Variants in EFCAB8 observed in about 807,000 individuals in gnomAD.
EFCAB8 encodes EF-hand calcium binding domain 8.
In EFCAB8, 100 loss-of-function variants were observed where a neutral mutation model predicts 116.3. The observed-to-expected ratio is 0.86, with a 90% CI of 0.73 to 1.02. The LOEUF is 1.02. EFCAB8 is among the 50% of genes least tolerant of loss of function. The pLI, the probability that EFCAB8 is intolerant of heterozygous loss-of-function variation, is 0.00. For synonymous variants in EFCAB8, 558 were observed against 567.9 expected (o/e 0.98, Z 0.25); for missense variants, 1,320 against 1,416.9 (o/e 0.93, Z 1.10).
chr20:32,906,948 T>C lies in EFCAB8; in HGVS notation c.1262T>C (p.Val421Ala). The C allele has an allele frequency of 6.5e-7, 1 of 1,544,596 alleles. No individual in the cohort carries two copies. Among genetic ancestry groups the C allele is most frequent in the Admixed American group, 2.0e-5 (1 of 50,316 alleles). ...GHQTSVTHIL[V>A]DSRNNSILIS... ...CAGACCTCAGTGACGCACATCCTTG[T>C]GGATAGCAGGAACAACAGCATCCTC... is the stretch of plus-strand genomic sequence containing the variant. Residue 421 changes from valine to alanine, a missense_variant, in exon 13 of 27, where the codon GTG becomes GCG. Val to Ala is a moderately conservative substitution (Grantham distance 64, BLOSUM62 0). Transcript: ENST00000400522.
chr20:32,901,929 G>A lies in EFCAB8; in HGVS notation c.1088+3306G>A, dbSNP rs28450024. On this transcript the variant is annotated intron_variant, in intron 11 of 26. Transcript: ENST00000400522. ...TCTTCATCTCTTGACCTCATGATTCGCCCGCCTCGGCCTCCCAAAGTGCTG... is the reference window on the plus strand; with the variant it reads ...TCTTCATCTCTTGACCTCATGATTCACCCGCCTCGGCCTCCCAAAGTGCTG... Among the ~76,000 whole-genome samples the A allele has an allele frequency of 7.6e-3, 1,160 of 152,188 alleles. 16 individuals are homozygous for A. Among genetic ancestry groups the A allele is most frequent in the African/African-American group, 0.027 (1,102 of 41,532 alleles).
chr20:32,948,581 A>AAAAGAAAGG (rs1988697873), intron 23 of EFCAB8, among the ~76,000 whole-genome samples: 1 of 142,644 alleles, frequency 7.0e-6, no homozygotes, highest in Non-Finnish European at 1.5e-5. Flanking sequence ...AGAAAGAAAG[A>AAAAGAAAGG]AAAGAAAGGA....
chr20:32,958,415 T>C lies in EFCAB8; in HGVS notation c.2960-6T>C. 1 of 416,836 alleles carries C rather than the reference T, an allele frequency of 2.4e-6. No individual in the cohort carries two copies. The highest frequency in any genetic ancestry group is 4.4e-6 in the Non-Finnish European group (1 of 226,372). 25.8% of individuals were successfully genotyped at this position (416,836 alleles called of 1,614,324 possible). Reference sequence around the variant, plus strand: ...TGTGGTTCTGAGCAGTCTGGTCAAATCACAGGAACGTTTGGCCTGAGTGTG... The same window carrying C: ...TGTGGTTCTGAGCAGTCTGGTCAAACCACAGGAACGTTTGGCCTGAGTGTG... On this transcript the variant is annotated splice_region_variant and splice_polypyrimidine_tract_variant and intron_variant, in intron 23 of 26. Transcript: ENST00000400522.
rs73904069 is a variant in EFCAB8 at position 32,893,271 on chromosome 20, C to G, written c.856C>G (p.Arg286Gly). Residue 286 changes from arginine (R) to glycine (G), a missense_variant, in exon 9 of 27, where the codon CGT becomes GGT. Transcript: ENST00000400522. ...CATGACCAGTGGGCTGTTCAACCCCCGTATCCTCCCCAGGGCCTCCAAGTG... is the reference window on the plus strand; with the variant it reads ...CATGACCAGTGGGCTGTTCAACCCCGGTATCCTCCCCAGGGCCTCCAAGTG... ...ENMTSGLFNP[R>G]ILPRASKWDH... 1.9e-6 allele frequency: 3 copies of G among 1,551,762 alleles called. No individual in the cohort carries two copies. The highest frequency in any genetic ancestry group is 2.6e-6 in the Non-Finnish European group (3 of 1,147,038).
intron 17 of EFCAB8, among the ~76,000 whole-genome samples, chr20:32,916,275 A>G (rs1362675601): frequency 4.0e-5 from 6 of 151,768 alleles, no homozygotes; most frequent in Admixed American, 6.6e-5. Context: ...AGTTTTTTTA[A>G]GAGACAGGAT....
At chr20:32,906,694 C>T in intron 12 of EFCAB8, 65 bp downstream of exon 12, 1 of 718,398 alleles carries the variant, frequency 1.4e-6, no homozygotes. Context: ...GGGGGACCAC[C>T]AGAGCTCAGG....
intron 22 of EFCAB8, among the ~76,000 whole-genome samples, chr20:32,934,800 A>G (rs571663693): frequency 6.6e-6 from 1 of 152,234 alleles, no homozygotes; most frequent in East Asian, 1.9e-4. Context: ...CACCTCTGCC[A>G]TGATTGTGAG....
rs1158510887 is a variant in EFCAB8 at position 32,863,783 on chromosome 20, G to A, written c.-10G>A. On this transcript the variant is annotated splice_region_variant and 5_prime_UTR_variant, in exon 2 of 27. Transcript: ENST00000400522. Reference sequence around the variant, plus strand: ...AGTTGACTATGATTCCCTATTCTAGGTCAAGGCTAATGTCTTCTGAAGACT... The same window carrying A: ...AGTTGACTATGATTCCCTATTCTAGATCAAGGCTAATGTCTTCTGAAGACT... The A allele has an allele frequency of 6.4e-6, 10 of 1,550,728 alleles. No homozygotes were observed. The highest frequency in any genetic ancestry group is 1.4e-5 in the African/African-American group (1 of 73,032).
At chr20:32,904,603 C>CT (rs35810642) in intron 11 of EFCAB8, among the ~76,000 whole-genome samples, 5,611 of 96,256 alleles carry the variant, frequency 0.058, 231 homozygotes, top group African/African-American at 0.091. Flanking sequence ...CTGAATGGAG[C>CT]TTTTTTTTTT....
intron 23 of EFCAB8, among the ~76,000 whole-genome samples, chr20:32,947,184 C>A (rs1372015351): frequency 6.6e-6 from 1 of 152,192 alleles, no homozygotes; most frequent in African/African-American, 2.4e-5. Context: ...AATGACCAAA[C>A]TGTTTTGCAT....
rs549938899 is a variant in EFCAB8 at position 32,885,157 on chromosome 20, T to C, written c.432-348T>C. 1.2e-4 allele frequency among the ~76,000 whole-genome samples: 18 copies of C among 152,338 alleles called. No individual in the cohort carries two copies. The South Asian group carries it at 3.3e-3, about 28-fold the overall frequency. The stretch of plus-strand genomic sequence containing the variant: ...ACCCTCTCCTGGGCAGTTTTTCCTA[T>C]GATAGAAGCTTTGCGAACAACCTCC... On this transcript the variant is annotated intron_variant, in intron 5 of 26. Transcript: ENST00000400522.
At chr20:32,954,307 A>G (rs1182702424) in intron 23 of EFCAB8, among the ~76,000 whole-genome samples, 1 of 152,146 alleles carries the variant, frequency 6.6e-6, no homozygotes, top group East Asian at 1.9e-4. Context: ...ATTTTTGTAT[A>G]TGGCATAAAA....
rs1197247048 is a variant in EFCAB8, at chr20:32,876,734, A to AG, written c.327+696dup. Among the ~76,000 whole-genome samples, 3 of 152,218 alleles carry AG rather than the reference A, an allele frequency of 2.0e-5. No individual in the cohort carries two copies. The South Asian group carries it at 6.2e-4, about 32-fold the overall frequency. On this transcript the variant is annotated intron_variant, in intron 4 of 26. Coordinates refer to ENST00000400522, the MANE Select transcript of EFCAB8 (RefSeq NM_001143967.2). Reference sequence around the variant, plus strand: ...GTAATCCTAGCACTTTGGGAGGCCAAGGGGGGTGGATCGCTTGAGCTCAGG... The same window carrying AG: ...GTAATCCTAGCACTTTGGGAGGCCAAGGGGGGGTGGATCGCTTGAGCTCAGG...
At chr20:32,933,164 G>A (rs1432808516) in intron 22 of EFCAB8, among the ~76,000 whole-genome samples, 1 of 152,192 alleles carries the variant, frequency 6.6e-6, no homozygotes, top group Non-Finnish European at 1.5e-5. Flanking sequence ...CTAAGCTCCA[G>A]TAGCAACCAG....
chr20:32,908,170 A>G, intron 13 of EFCAB8, 105 bp from the exon 14 acceptor site: 1 of 1,103,452 alleles, frequency 9.1e-7, no homozygotes, highest in Non-Finnish European at 1.2e-6. Context: ...GCTTGGACGG[A>G]CGATGTGCCC....
At chr20:32,939,176 TTTCTTTCTTTCTTTCTTTCTTTCTTTC>T in intron 22 of EFCAB8, among the ~76,000 whole-genome samples, 2 of 101,236 alleles carry the variant, frequency 2.0e-5, no homozygotes, top group African/African-American at 7.7e-5. Context: ...TCTTTCTTTC[TTTCTTTCTTTCTTTCTTTCTTTCTTTC>T]CTCTCTCTCT....
chr20:32,914,820 A>G (rs1600419342), intron 17 of EFCAB8, among the ~76,000 whole-genome samples: 2 of 152,284 alleles, frequency 1.3e-5, no homozygotes, highest in East Asian at 1.9e-4. Flanking sequence ...ACAGAGCCAA[A>G]CCATATCAAT....
At chr20:32,882,440 C>G (rs1424358927) in intron 5 of EFCAB8, among the ~76,000 whole-genome samples, 1 of 152,246 alleles carries the variant, frequency 6.6e-6, no homozygotes, top group African/African-American at 2.4e-5. Context: ...TAAAGAGGCT[C>G]ATAGCCTGTG....
intron 14 of EFCAB8, among the ~76,000 whole-genome samples, 175 bp downstream of exon 14, chr20:32,908,587 G>C (rs1273267324): frequency 6.6e-6 from 1 of 152,162 alleles, no homozygotes; most frequent in Admixed American, 6.5e-5. Flanking sequence ...CTGAAATCCT[G>C]TTTCTAGGCC....
Sources: allele counts gnomAD v4.1 joint callset (sites outside exome capture counted in the v4.1 genomes callset), GRCh38; gene constraint gnomAD v4.1.1; transcripts MANE v1.5; gene names NCBI Gene and HGNC (gene_info 2026-07-23, HGNC 2026-07-21).